CNNM2: variants seen among roughly 807,000 people sequenced by gnomAD.
CNNM2 encodes the protein cyclin and CBS domain divalent metal cation transport mediator 2, also known as metal transporter CNNM2.
In CNNM2, 12 loss-of-function variants were observed where a neutral mutation model predicts 66.9. The ratio of observed to expected loss-of-function variants is 0.18; its 90% confidence interval spans 0.11 to 0.29. The LOEUF (loss-of-function observed/expected upper bound fraction) is 0.29. Among genes scored for constraint, CNNM2 ranks in the 10% least tolerant of loss-of-function variants. The pLI is 1.00. For missense variants in CNNM2, 705 were observed against 1,167.7 expected, an observed-to-expected ratio of 0.60 and a Z score of 5.77; for synonymous variants, 557 against 501.8, an observed-to-expected ratio of 1.11 and a Z score of -1.47.
intron 1 of CNNM2, among the ~76,000 whole-genome samples, chr10:102,972,561 G>C (rs761375911): frequency 6.6e-6 from 1 of 152,168 alleles, no homozygotes; most frequent in South Asian, 2.1e-4. Flanking sequence ...GCGTGAACCC[G>C]GGCGGCGGAG....
intron 1 of CNNM2, among the ~76,000 whole-genome samples, chr10:102,975,696 A>G (rs1214221377): frequency 2.6e-5 from 4 of 152,146 alleles, no homozygotes; most frequent in Non-Finnish European, 5.9e-5. Flanking sequence ...TCTGCAAACC[A>G]CAACACTAAG....
Position 103,076,100 on chromosome 10 carries a change from C to T in CNNM2, c.2248C>T (p.Pro750Ser). The T allele has an allele frequency of 1.2e-6, 2 of 1,610,732 alleles. No homozygotes were observed. The highest frequency in any genetic ancestry group is 1.7e-6 in the Non-Finnish European group (2 of 1,177,908). The change falls in exon 7 of 8, where the codon CCT becomes TCT. Residue 750 changes from proline (P) to serine (S), a missense_variant. Around this residue, in one of 9 missense-constraint regions of CNNM2, gnomAD observed 194 missense variants for 227.6 expected, o/e 0.85. Coordinates refer to ENST00000369878, the MANE Select transcript of CNNM2 (RefSeq NM_017649.5). The stretch of plus-strand genomic sequence containing the variant: ...TCCTTTTCCAGGTGAAAATAAGTCC[C>T]CTCCTCGCCCATGTGGCTTGAATCA... The part of the protein sequence containing the change: ...AAGSPGENKS[P>S]PRPCGLNHSD...
intron 5 of CNNM2, among the ~76,000 whole-genome samples, chr10:103,070,673 C>T (rs984053726): frequency 1.3e-5 from 2 of 152,218 alleles, no homozygotes; most frequent in African/African-American, 4.8e-5. Context: ...GTGAGCAGCC[C>T]TCTGAGTCTG....
Position 103,078,594 on chromosome 10 carries a change from C to T in CNNM2, c.*1414C>T, listed in dbSNP as rs1445793165. On this transcript the variant is annotated 3_prime_UTR_variant, in exon 8 of 8. Transcript: ENST00000369878. ...TGAGTGACTGAATTCTTAACTATAG[C>T]TTATCTGTGTTTTGTTAGCCCGAGG... 1.3e-5 allele frequency: 2 copies of T among 152,192 alleles called. No homozygotes were observed. The highest frequency in any genetic ancestry group is 6.5e-5 in the Admixed American group (1 of 15,270). 9.4% of individuals were successfully genotyped at this position (152,192 alleles called of 1,614,324 possible).
chr10:103,044,141 G>A (rs1294421035), intron 1 of CNNM2, among the ~76,000 whole-genome samples: 1 of 152,062 alleles, frequency 6.6e-6, no homozygotes, highest in Non-Finnish European at 1.5e-5. Flanking sequence ...CTTCTCGTTG[G>A]AAGTTAAGAA....
In CNNM2 at chr10:103,082,048, A is replaced by C. The variant is rs2065762508; in HGVS notation, c.*4868A>C. On this transcript the variant is annotated 3_prime_UTR_variant, in exon 8 of 8. Coordinates refer to ENST00000369878, the MANE Select transcript of CNNM2 (RefSeq NM_017649.5). ...CAAGCATCATGGAAACAAAGGTTCT[A>C]GCTGCAAGAGAGTAAAGTTCTAGGT... 6.6e-6 allele frequency: 1 copy of C among 152,276 alleles called. No individual in the cohort carries two copies. Among genetic ancestry groups the C allele is most frequent in the African/African-American group, 2.4e-5 (1 of 41,468 alleles). The allele number at this position is 152,276 out of a possible 1,614,324, so 9.4% of individuals were successfully genotyped here. A position where few individuals can be genotyped will look rare whatever the true frequency, so the allele number is the denominator to read the frequency against.
chr10:103,047,754 T>C (rs975619668), intron 1 of CNNM2, among the ~76,000 whole-genome samples: 2 of 152,202 alleles, frequency 1.3e-5, no homozygotes, highest in Non-Finnish European at 2.9e-5. Context: ...TTGGAAAATA[T>C]TGGTTCACTG....
intron 1 of CNNM2, among the ~76,000 whole-genome samples, chr10:102,960,470 G>GAGAT (rs1378680223): frequency 6.6e-6 from 1 of 152,146 alleles, no homozygotes; most frequent in African/African-American, 2.4e-5. Flanking sequence ...TCACCACAAA[G>GAGAT]AGATAAAACT....
chr10:102,944,818 CTT>C (rs1267088180), intron 1 of CNNM2, among the ~76,000 whole-genome samples: 3 of 152,158 alleles, frequency 2.0e-5, no homozygotes, highest in Non-Finnish European at 4.4e-5. Context: ...TGGCATGTCT[CTT>C]TGATGTCCTT....
At chr10:102,973,035 C>T (rs1461696860) in intron 1 of CNNM2, among the ~76,000 whole-genome samples, 1 of 152,110 alleles carries the variant, frequency 6.6e-6, no homozygotes, top group Admixed American at 6.6e-5. Context: ...GTTTATTTGG[C>T]AGCATTTTAA....
intron 5 of CNNM2, among the ~76,000 whole-genome samples, chr10:103,069,745 A>T (rs2065543251): frequency 6.6e-6 from 1 of 152,236 alleles, no homozygotes; most frequent in South Asian, 2.1e-4. Context: ...CTTGCTATTA[A>T]TACCTGAGGC....
Position 103,016,948 on chromosome 10 carries a change from G to A in CNNM2, c.1622-32759G>A, listed in dbSNP as rs1194942320. 1.3e-4 allele frequency among the ~76,000 whole-genome samples: 20 copies of A among 151,544 alleles called. No homozygotes were observed. The East Asian group carries it at 1.5e-3, about 12-fold the overall frequency. ...GCAACATAGGGCTTTTTTTTTGGGC[G>A]GGGGGTACTTTGTCATATAGTTTTG... On this transcript the variant is annotated intron_variant, in intron 1 of 7. Coordinates refer to ENST00000369878, the MANE Select transcript of CNNM2 (RefSeq NM_017649.5).
chr10:103,063,374 TTGTGA>T (rs1378233814), intron 4 of CNNM2, among the ~76,000 whole-genome samples: 9 of 152,080 alleles, frequency 5.9e-5, no homozygotes, highest in African/African-American at 1.7e-4. Flanking sequence ...CCTGAATACT[TTGTGA>T]TGGCGATTTA....
intron 1 of CNNM2, among the ~76,000 whole-genome samples, chr10:102,959,967 G>A (rs1050402748): frequency 6.6e-6 from 1 of 151,896 alleles, no homozygotes; most frequent in Admixed American, 6.6e-5. Flanking sequence ...CAGGAAAATG[G>A]TGTGAACCCG....
At chr10:102,978,619 G>A (rs1012575763) in intron 1 of CNNM2, among the ~76,000 whole-genome samples, 3 of 152,112 alleles carry the variant, frequency 2.0e-5, no homozygotes, top group African/African-American at 7.2e-5. Flanking sequence ...AGCAGTCAGT[G>A]ATCTTTCAAA....
intron 1 of CNNM2, among the ~76,000 whole-genome samples, chr10:103,016,522 AC>A (rs1255454086): frequency 1.3e-5 from 2 of 151,038 alleles, no homozygotes; most frequent in African/African-American, 4.9e-5. Context: ...CCTTACATCT[AC>A]CCCCCACTTA....
chr10:102,946,915 C>T (rs763025101), intron 1 of CNNM2, among the ~76,000 whole-genome samples: 2 of 152,190 alleles, frequency 1.3e-5, no homozygotes, highest in African/African-American at 2.4e-5. Flanking sequence ...GAACAAAACA[C>T]ATGCCATACT....
intron 1 of CNNM2, among the ~76,000 whole-genome samples, chr10:103,043,182 G>A (rs556718313): frequency 2.6e-5 from 4 of 152,130 alleles, no homozygotes; most frequent in Admixed American, 1.3e-4. Flanking sequence ...CATGACGGGG[G>A]TCTGTTTTCT....
At chr10:102,940,418 TTTTA>T (rs1245966771) in intron 1 of CNNM2, among the ~76,000 whole-genome samples, 9 of 152,282 alleles carry the variant, frequency 5.9e-5, no homozygotes, top group African/African-American at 2.2e-4. Context: ...TTTTATTTTA[TTTTA>T]TTTATTTATT....
Sources: gnomAD v4.1 joint callset for allele counts (sites outside exome capture counted in the v4.1 genomes callset) on GRCh38, gnomAD v4.1.1 for gene constraint, gnomAD v4.1.1 regional missense constraint, MANE v1.5 for transcripts, NCBI Gene and HGNC (gene_info 2026-07-23, HGNC 2026-07-21) for gene names.